HUWE1: variants seen among roughly 807,000 people sequenced by gnomAD.
HUWE1 encodes E3 ubiquitin-protein ligase HUWE1.
HUWE1 carries 18 observed loss-of-function variants against 299.4 expected under a neutral mutation model. The ratio of observed to expected loss-of-function variants is 0.06; its 90% CI spans 0.04 to 0.09. The LOEUF is 0.09. Ranked by LOEUF, HUWE1 falls within the 10% of genes least tolerant of loss-of-function variation. The pLI is 1.00. For synonymous variants in HUWE1, 1,317 were observed against 1,286.1 expected, an observed-to-expected ratio of 1.02 and a Z score of -0.51; for missense variants, 1,832 against 3,462.3, an observed-to-expected ratio of 0.53 and a Z score of 11.82.
intron 41 of HUWE1, 115 bp from the exon 42 acceptor site, chrX:53,584,031 A>G: frequency 1.2e-6 from 1 of 809,341 alleles, no homozygotes; most frequent in South Asian, 2.1e-5. Context: ...GAAGCATGCC[A>G]AATACCAATT....
intron 37 of HUWE1, 126 bp from the exon 38 acceptor site, chrX:53,587,035 T>G: frequency 1.3e-6 from 1 of 774,804 alleles, no homozygotes; most frequent in Non-Finnish European, 1.9e-6. Context: ...GAGTTCAAAT[T>G]TTACCTCTTA....
Position 53,589,655 on chromosome X carries a change from A to C in HUWE1, c.4353T>G (p.Leu1451=), listed in dbSNP as rs782012261. The change falls in exon 36 of 84, where the codon CTT becomes CTG. Residue 1451 remains leucine (L), a synonymous_variant. Coordinates refer to ENST00000262854, the MANE Select transcript of HUWE1 (RefSeq NM_031407.7). The part of the protein sequence containing the change: ...DTMLPGCFHL[L]DELPDTVYRV... ...GGTATACTGTGTCTGGCAGCTCATCAAGAAGGTGGAAGCAGCCTGGCAACA... is the reference window on the plus strand; with the variant it reads ...GGTATACTGTGTCTGGCAGCTCATCCAGAAGGTGGAAGCAGCCTGGCAACA... 9 of 1,211,435 alleles carry C rather than the reference A, an allele frequency of 7.4e-6. No individual in the cohort carries two copies. In the South Asian group the frequency reaches 1.1e-4, roughly 14 times the overall value.
chrX:53,594,091 C>T (rs1447468383), intron 31 of HUWE1, among the ~76,000 whole-genome samples: 1 of 110,134 alleles, frequency 9.1e-6, no homozygotes, highest in Non-Finnish European at 1.9e-5. Flanking sequence ...AGCCAGACTC[C>T]ATCTCAAAAA....
At chrX:53,583,967 TC>T (rs781804891) in intron 41 of HUWE1, 51 bp from the exon 42 acceptor site, 81 of 1,003,437 alleles carry the variant, frequency 8.1e-5, no homozygotes, top group Non-Finnish European at 1.1e-4. Context: ...GATGTTTATT[TC>T]CTCCCACGCC....
rs782011528 is a variant in HUWE1 at position 53,553,820 on chromosome X, TAAATA to T, written c.8494+808_8494+812del. ...GCGAGACTTTTTCTCAAAAAATAAATAAATAAAATAAAATAAAATAAAATAAACAA... is the reference window on the plus strand; with the variant it reads ...GCGAGACTTTTTCTCAAAAAATAAATAAATAAAATAAAATAAAATAAACAA... On this transcript the variant is annotated intron_variant, in intron 61 of 83. Transcript: ENST00000262854. Among the ~76,000 whole-genome samples, 735 of 108,641 alleles carry T rather than the reference TAAATA, an allele frequency of 6.8e-3. 6 individuals are homozygous for T. Among genetic ancestry groups the T allele is most frequent in the African/African-American group, 0.023 (686 of 29,792 alleles). 94.3% of individuals were successfully genotyped at this position (108,641 alleles called of 115,157 possible). A position where few individuals can be genotyped will look rare whatever the true frequency, so the allele number is the denominator to read the frequency against.
At chrX:53,645,093 A>G (rs1409292365) in intron 7 of HUWE1, among the ~76,000 whole-genome samples, 2 of 112,131 alleles carry the variant, frequency 1.8e-5, no homozygotes, top group Non-Finnish European at 3.8e-5. Context: ...GAACAGAGAG[A>G]TTTTGTTTGG....
rs1438599880 is a variant in HUWE1, at chrX:53,587,016, G to C, written c.4615-107C>G. 7 of 907,470 alleles carry C rather than the reference G, an allele frequency of 7.7e-6. No homozygotes were observed. The East Asian group carries it at 2.3e-4, about 29-fold the overall frequency. The allele number at this position is 907,470 out of a possible 1,213,427, so 74.8% of individuals were successfully genotyped here. A position where few individuals can be genotyped will look rare whatever the true frequency, so the allele number is the denominator to read the frequency against. ...GGGAACATAAGGGTAAATAATAATA[G>C]AATTGGTTGAGTTCAAATTTTACCT... On this transcript the variant is annotated intron_variant, in intron 37 of 83. Transcript: ENST00000262854.
At position 53,617,324 on chromosome X, in the gene HUWE1, A is replaced by G. The variant is rs1191780463; in HGVS notation, c.1779+16T>C. 5 of 1,084,928 alleles carry G rather than the reference A, an allele frequency of 4.6e-6. No individual in the cohort carries two copies. The highest frequency in any genetic ancestry group is 6.4e-6 in the Non-Finnish European group (5 of 784,411). 89.4% of individuals were successfully genotyped at this position (1,084,928 alleles called of 1,213,427 possible). On this transcript the variant is annotated intron_variant, in intron 20 of 83. Coordinates refer to ENST00000262854, the MANE Select transcript of HUWE1 (RefSeq NM_031407.7). ...CGCCCTAAGACATTCTTTACAGAGTAGCAGAAAAGACTTACATCTTTGATA... is the reference window on the plus strand; with the variant it reads ...CGCCCTAAGACATTCTTTACAGAGTGGCAGAAAAGACTTACATCTTTGATA...
intron 2 of HUWE1, among the ~76,000 whole-genome samples, chrX:53,682,015 A>T (rs1425992944): frequency 1.8e-5 from 2 of 111,697 alleles, no homozygotes; most frequent in Non-Finnish European, 3.8e-5. Flanking sequence ...TTGGCCTATG[A>T]GGAAAAAAAA....
At chrX:53,542,386 C>A (rs2061381859) in intron 74 of HUWE1, 57 bp downstream of exon 74, 2 of 770,459 alleles carry the variant, frequency 2.6e-6, no homozygotes, top group Admixed American at 4.4e-5. Flanking sequence ...ATTCAGCAGA[C>A]ATTCCAGAAG....
At position 53,547,959 on chromosome X, in the gene HUWE1, A is replaced by G; in HGVS notation, c.10350T>C (p.Thr3450=). 8.3e-7 allele frequency: 1 copy of G among 1,210,883 alleles called. No homozygotes were observed. The highest frequency in any genetic ancestry group is 1.1e-6 in the Non-Finnish European group (1 of 894,859). Residue 3450 remains threonine, a synonymous_variant, in exon 68 of 84, where the codon ACT becomes ACC. Transcript: ENST00000262854. ...HPVIRRSSLL[T]EKLLRLLSLI... ...GAGAAAGGAGTCTGAGGAGTTTCTC[A>G]GTTAAGAGAGAGCTCCGGCGGATGA...
rs2060846818 is a variant in HUWE1 at position 53,533,238 on chromosome X, C to T, written c.*71G>A. ...GGTTTTTGACAATTTCTTTCTGGTT[C>T]TTTTTTTAACTCCCCCCTCCCCAGG... On this transcript the variant is annotated 3_prime_UTR_variant, in exon 84 of 84. Transcript: ENST00000262854. 1.5e-6 allele frequency: 1 copy of T among 657,041 alleles called. No homozygotes were observed. The highest frequency in any genetic ancestry group is 2.4e-6 in the Non-Finnish European group (1 of 409,362). The allele number at this position is 657,041 out of a possible 1,213,427, so 54.1% of individuals were successfully genotyped here. A position where few individuals can be genotyped will look rare whatever the true frequency, so the allele number is the denominator to read the frequency against.
At chrX:53,579,122 C>T (rs2063450462) in intron 43 of HUWE1, among the ~76,000 whole-genome samples, 1 of 77,671 alleles carries the variant, frequency 1.3e-5, no homozygotes, top group African/African-American at 5.2e-5. Context: ...AGGTGAGGGG[C>T]GCCTCTGCCC....
intron 7 of HUWE1, among the ~76,000 whole-genome samples, chrX:53,644,751 G>A (rs1337377967): frequency 4.5e-5 from 5 of 111,892 alleles, no homozygotes; most frequent in African/African-American, 1.3e-4. Context: ...TCCAACAGTG[G>A]GTTACCTCTC....
intron 71 of HUWE1, 49 bp downstream of exon 71, chrX:53,544,980 C>T: frequency 8.5e-7 from 1 of 1,177,412 alleles, no homozygotes; most frequent in East Asian, 3.0e-5. Context: ...AGCCATCTTC[C>T]AGAATATCCC....
At chrX:53,611,074 G>A (rs1241174723) in intron 23 of HUWE1, among the ~76,000 whole-genome samples, 1 of 108,601 alleles carries the variant, frequency 9.2e-6, no homozygotes, top group Admixed American at 1.0e-4. Context: ...GGCACCCCAC[G>A]TACCTGGCGT....
chrX:53,573,086 G>A (rs982826809), intron 47 of HUWE1, among the ~76,000 whole-genome samples: 2 of 110,944 alleles, frequency 1.8e-5, no homozygotes, highest in South Asian at 3.8e-4. Flanking sequence ...CACCAAGATC[G>A]TACGTTACTA....
intron 7 of HUWE1, among the ~76,000 whole-genome samples, chrX:53,634,640 AC>A (rs1180435806): frequency 8.9e-6 from 1 of 112,341 alleles, no homozygotes; most frequent in African/African-American, 3.2e-5. Flanking sequence ...TATATTCCAT[AC>A]CCCTGTAGTC....
chrX:53,579,361 C>A (rs1490725694), intron 43 of HUWE1, among the ~76,000 whole-genome samples: 3 of 105,502 alleles, frequency 2.8e-5, no homozygotes, highest in Non-Finnish European at 2.0e-5. Flanking sequence ...CCGCCCCATC[C>A]GGGAGGTGAG....
Sources: allele counts gnomAD v4.1 joint callset (sites outside exome capture counted in the v4.1 genomes callset), GRCh38; gene constraint gnomAD v4.1.1; transcripts MANE v1.5; gene names NCBI Gene and HGNC (gene_info 2026-07-23, HGNC 2026-07-21).